Variants in ACAP2 observed in about 807,000 individuals in gnomAD.
ACAP2 encodes the protein arf-GAP with coiled-coil, ANK repeat and PH domain-containing protein 2.
In ACAP2, 39 loss-of-function variants were observed where a neutral mutation model predicts 115.8. The ratio of observed to expected loss-of-function variants is 0.34; its 90% CI spans 0.26 to 0.44. ACAP2 has a LOEUF of 0.44. ACAP2 is among the 20% of genes least tolerant of loss of function. The pLI is 1.00. For synonymous variants in ACAP2, 289 were observed against 315.8 expected (o/e 0.92, Z 0.90); for missense variants, 662 against 927.6 (o/e 0.71, Z 3.72).
chr3:195,366,384 T>A (rs1191854962), intron 4 of ACAP2, among the ~76,000 whole-genome samples: 2 of 152,226 alleles, frequency 1.3e-5, no homozygotes, highest in Non-Finnish European at 2.9e-5. Context: ...TGGTTGCACA[T>A]TGAAATAACT....
rs1733607061 is a variant in ACAP2, at chr3:195,377,147, T to TTTTTTTTTTTTTTTC, written c.285+3861_285+3862insGAAAAAAAAAAAAAA. Among the ~76,000 whole-genome samples the TTTTTTTTTTTTTTTC allele has an allele frequency of 1.4e-5, 2 of 140,970 alleles. 1 individual carries two copies. The highest frequency in any genetic ancestry group is 5.4e-5 in the African/African-American group (2 of 37,292). 92.5% of individuals were successfully genotyped at this position (140,970 alleles called of 152,430 possible). ...GAGGAGGAATGTAAATCTTTTTTTT[T>TTTTTTTTTTTTTTTC]TTTTTTTTTTTTTTGGAAACAAGGT... On this transcript the variant is annotated intron_variant, in intron 4 of 22. Transcript: ENST00000326793.
At chr3:195,302,315 G>T in intron 13 of ACAP2, 141 bp from the exon 14 acceptor site, 1 of 705,916 alleles carries the variant, frequency 1.4e-6, no homozygotes. Flanking sequence ...AGTCTAGCTA[G>T]AAATTCAAGG....
chr3:195,283,135 A>T (rs1726615246), intron 22 of ACAP2, among the ~76,000 whole-genome samples: 1 of 152,202 alleles, frequency 6.6e-6, no homozygotes, highest in African/African-American at 2.4e-5. Flanking sequence ...ACTGGCTGAG[A>T]GCCTGCCAAC....
At chr3:195,431,359 T>C (rs1416326335) in intron 1 of ACAP2, among the ~76,000 whole-genome samples, 1 of 152,106 alleles carries the variant, frequency 6.6e-6, no homozygotes, top group Non-Finnish European at 1.5e-5. Context: ...GTTTTGTGGG[T>C]ATATATCTTC....
chr3:195,285,584 T>C (rs1726790870), intron 22 of ACAP2: 2 of 518,018 alleles, frequency 3.9e-6, no homozygotes, highest in Non-Finnish European at 3.4e-6. Context: ...TAGGAAGAGT[T>C]ACGAATGTTT....
At chr3:195,423,878 T>C (rs1714395856) in intron 1 of ACAP2, among the ~76,000 whole-genome samples, 1 of 152,176 alleles carries the variant, frequency 6.6e-6, no homozygotes, top group African/African-American at 2.4e-5. Flanking sequence ...ATGATATAAT[T>C]TGCAGGGACT....
intron 21 of ACAP2, among the ~76,000 whole-genome samples, chr3:195,286,279 CAT>C (rs968042823): frequency 6.6e-5 from 10 of 152,290 alleles, no homozygotes; most frequent in African/African-American, 2.2e-4. Flanking sequence ...TAGCTGCAGA[CAT>C]ATAAACAGCA....
At chr3:195,306,326 A>C (rs999826188) in intron 13 of ACAP2, among the ~76,000 whole-genome samples, 185 bp downstream of exon 13, 2 of 152,246 alleles carry the variant, frequency 1.3e-5, no homozygotes, top group African/African-American at 4.8e-5. Flanking sequence ...ATACTGAAAT[A>C]AAATGGTAAG....
In ACAP2 at chr3:195,277,012, A is replaced by T. The variant is rs955648022; in HGVS notation, c.*2316T>A. On this transcript the variant is annotated 3_prime_UTR_variant, in exon 23 of 23. Transcript: ENST00000326793. ...GACCACTAAATTTAAGTAGATACTAATTAATTACTGCCATATTAACAATTC... is the reference window on the plus strand; with the variant it reads ...GACCACTAAATTTAAGTAGATACTATTTAATTACTGCCATATTAACAATTC... The T allele has an allele frequency of 2.0e-5, 3 of 152,228 alleles. No homozygotes were observed. The highest frequency in any genetic ancestry group is 4.4e-5 in the Non-Finnish European group (3 of 68,026). 9.4% of individuals were successfully genotyped at this position (152,228 alleles called of 1,614,324 possible).
At chr3:195,308,002 A>C (rs1011379220) in intron 11 of ACAP2, among the ~76,000 whole-genome samples, 2 of 152,160 alleles carry the variant, frequency 1.3e-5, no homozygotes, top group African/African-American at 4.8e-5. Flanking sequence ...GTTATCCATT[A>C]ACTAATGATT....
intron 17 of ACAP2, 191 bp downstream of exon 17, chr3:195,295,517 A>T (rs1427988236): frequency 1.5e-6 from 1 of 672,340 alleles, no homozygotes; most frequent in African/African-American, 1.8e-5. Flanking sequence ...TTACCTAGAA[A>T]GGTGAAATAT....
rs201986226 is a variant in ACAP2, at chr3:195,302,190, ATTAC to A, written c.1117-20_1117-17del. 4,657 of 1,593,930 alleles carry A rather than the reference ATTAC, an allele frequency of 2.9e-3. 81 individuals are homozygous for A. The African/African-American group carries it at 0.042, about 14-fold the overall frequency. ...TATCCAGCTTCTAAAAGAATTAAGA[ATTAC>A]TTGTTTTTAAAAAAAAAAAAGATTG... On this transcript the variant is annotated splice_polypyrimidine_tract_variant and intron_variant, in intron 13 of 22. Coordinates refer to ENST00000326793, the MANE Select transcript of ACAP2 (RefSeq NM_012287.6).
At chr3:195,304,150 TGA>T (rs1421848902) in intron 13 of ACAP2, among the ~76,000 whole-genome samples, 10 of 101,324 alleles carry the variant, frequency 9.9e-5, no homozygotes, top group South Asian at 3.5e-4. Context: ...GGCAATGGAG[TGA>T]GACTCCATCT....
intron 1 of ACAP2, among the ~76,000 whole-genome samples, chr3:195,402,128 G>C (rs1712357889): frequency 6.6e-6 from 1 of 152,144 alleles, no homozygotes; most frequent in Non-Finnish European, 1.5e-5. Context: ...TGTCTAGACT[G>C]AGGGCCTCAA....
intron 4 of ACAP2, among the ~76,000 whole-genome samples, chr3:195,353,527 C>CT (rs1254613042): frequency 6.6e-6 from 1 of 152,178 alleles, no homozygotes. Flanking sequence ...AGTCCATTTA[C>CT]ATACAATTCT....
intron 4 of ACAP2, among the ~76,000 whole-genome samples, chr3:195,359,749 G>C (rs531272095): frequency 1.2e-4 from 19 of 152,364 alleles, no homozygotes; most frequent in Middle Eastern, 3.4e-3. Context: ...TTACAGGCGT[G>C]AGCCATCGCG....
intron 4 of ACAP2, among the ~76,000 whole-genome samples, chr3:195,368,998 CA>C (rs1463812847): frequency 1.3e-5 from 2 of 151,774 alleles, no homozygotes; most frequent in Admixed American, 6.6e-5. Flanking sequence ...GCGGGAGAAT[CA>C]CTTGAACCTG....
At chr3:195,359,764 G>C (rs990514966) in intron 4 of ACAP2, among the ~76,000 whole-genome samples, 2 of 152,196 alleles carry the variant, frequency 1.3e-5, no homozygotes, top group Non-Finnish European at 2.9e-5. Flanking sequence ...ATCGCGCCTG[G>C]CCTAAAGTAC....
At chr3:195,369,117 A>T (rs1358743820) in intron 4 of ACAP2, among the ~76,000 whole-genome samples, 1 of 152,066 alleles carries the variant, frequency 6.6e-6, no homozygotes, top group Non-Finnish European at 1.5e-5. Context: ...AAGAGGAAGA[A>T]ATTAAGTGTA....
Sources: allele counts gnomAD v4.1 joint callset (sites outside exome capture counted in the v4.1 genomes callset), GRCh38; gene constraint gnomAD v4.1.1; transcripts MANE v1.5; gene names NCBI Gene and HGNC (gene_info 2026-07-23, HGNC 2026-07-21).